Variants in TBP observed in about 807,000 individuals in gnomAD.
The protein encoded by TBP is TATA-box binding protein.
A neutral mutation model predicts 46.2 loss-of-function variants in TBP; 12 were observed. The ratio of observed to expected loss-of-function variants is 0.26; its 90% CI spans 0.17 to 0.42. The LOEUF is 0.42. TBP is among the 10% of genes least tolerant of loss of function. The pLI, the probability that TBP is intolerant of heterozygous loss-of-function variation, is 1.00. For missense variants in TBP, 229 were observed against 403.1 expected, an observed-to-expected ratio of 0.57 and a Z score of 3.70; for synonymous variants, 157 against 148.3, an observed-to-expected ratio of 1.06 and a Z score of -0.42.
Position 170,561,887 on chromosome 6 carries a change from A to C in TBP, c.151A>C (p.Ile51Leu), listed in dbSNP as rs773389193. Reference protein sequence around the residue: ...QPIQNTNSLSILEEQQRQQQQ... With the variant: ...QPIQNTNSLSLLEEQQRQQQQ... ...TATTCAGAACACCAATAGTCTGTCT[A>C]TTTTGGAAGAGCAACAAAGGCAGCA... The change falls in exon 3 of 8, where the codon ATT (isoleucine) becomes CTT (leucine). Residue 51 changes from isoleucine (I) to leucine (L), a missense_variant. Physicochemically the swap from Ile to Leu is conservative, Grantham distance 5. Around this residue, in one of 4 missense-constraint regions of TBP, gnomAD observed 49 missense variants for 94.7 expected, o/e 0.52. Coordinates refer to ENST00000392092, the MANE Select transcript of TBP (RefSeq NM_003194.5). 1.9e-6 allele frequency: 3 copies of C among 1,613,804 alleles called. No individual in the cohort carries two copies. Among genetic ancestry groups the C allele is most frequent in the Non-Finnish European group, 2.5e-6 (3 of 1,179,936 alleles).
intron 3 of TBP, among the ~76,000 whole-genome samples, 169 bp downstream of exon 3, chr6:170,562,402 TAGTC>T (rs1469135426): frequency 2.0e-5 from 3 of 152,238 alleles, no homozygotes; most frequent in Non-Finnish European, 2.9e-5. Context: ...AAAGCTATCT[TAGTC>T]AGTGTCCTCA....
intron 1 of TBP, among the ~76,000 whole-genome samples, chr6:170,555,166 C>A (rs1177438888): frequency 3.3e-5 from 5 of 152,192 alleles, no homozygotes; most frequent in African/African-American, 4.8e-5. Context: ...AATCACTGTG[C>A]GGTTTCTTCT....
intron 3 of TBP, 99 bp downstream of exon 3, chr6:170,562,332 T>A: frequency 7.7e-7 from 1 of 1,297,198 alleles, no homozygotes; most frequent in South Asian, 1.5e-5. Flanking sequence ...AGGGAGGGAG[T>A]GGCACTAACG....
At chr6:170,562,262 C>A (rs781366910) in intron 3 of TBP, 29 bp downstream of exon 3, 3 of 1,596,320 alleles carry the variant, frequency 1.9e-6, no homozygotes, top group South Asian at 1.1e-5. Flanking sequence ...ATGTTTCCTC[C>A]CACTTAGGAG....
chr6:170,564,697 T>C (rs993003699), intron 4 of TBP, 65 bp downstream of exon 4: 2 of 1,109,900 alleles, frequency 1.8e-6, no homozygotes, highest in Admixed American at 2.3e-5. Flanking sequence ...TGTCTCTATA[T>C]TTTAATGTAT....
intron 5 of TBP, 34 bp downstream of exon 5, chr6:170,567,043 G>A (rs1779266029): frequency 1.3e-6 from 2 of 1,567,846 alleles, no homozygotes; most frequent in East Asian, 2.2e-5. Context: ...CTGGTCTATG[G>A]GTTATGAATG....
chr6:170,572,668 A>G lies in TBP; in HGVS notation c.*403A>G. Reference sequence around the variant, plus strand: ...CCACAGTTTTTATATTTCTACCAGAAAAGTAAAAATCTTTTTTAAAAGTGT... The same window carrying G: ...CCACAGTTTTTATATTTCTACCAGAGAAGTAAAAATCTTTTTTAAAAGTGT... On this transcript the variant is annotated 3_prime_UTR_variant, in exon 8 of 8. Coordinates refer to ENST00000392092, the MANE Select transcript of TBP (RefSeq NM_003194.5). The G allele has an allele frequency of 5.7e-6, 1 of 174,772 alleles. No homozygotes were observed. The highest frequency in any genetic ancestry group is 1.2e-5 in the Non-Finnish European group (1 of 83,402). The allele number at this position is 174,772 out of a possible 1,614,324, so 10.8% of individuals were successfully genotyped here. A position where few individuals can be genotyped will look rare whatever the true frequency, so the allele number is the denominator to read the frequency against.
rs1346609288 is a variant in TBP at position 170,569,687 on chromosome 6, G to A, written c.753G>A (p.Leu251=). The part of the protein sequence containing the change: ...VQKLGFPAKF[L]DFKIQNMVGS... ...AGTTGGGTTTTCCAGCTAAGTTCTT[G>A]GACTTCAAGATTCAGAATATGGTGG... The change falls in exon 6 of 8, where the codon TTG becomes TTA. Residue 251 remains leucine (L), a synonymous_variant. Transcript: ENST00000392092. 6.2e-7 allele frequency: 1 copy of A among 1,614,120 alleles called. No individual in the cohort carries two copies. The highest frequency in any genetic ancestry group is 2.2e-5 in the East Asian group (1 of 44,870).
rs113202486 is a variant in TBP, at chr6:170,561,925, ACAGCAG to A, written c.210_215del (p.Gln94_Gln95del). 6.6e-4 allele frequency: 647 copies of A among 981,386 alleles called. 1 individual carries two copies. The highest frequency in any genetic ancestry group is 2.7e-3 in the East Asian group (105 of 38,300). 60.8% of individuals were successfully genotyped at this position (981,386 alleles called of 1,614,324 possible). On this transcript the variant is annotated inframe_deletion, in exon 3 of 8. Coordinates refer to ENST00000392092, the MANE Select transcript of TBP (RefSeq NM_003194.5). ...AACAAAGGCAGCAGCAGCAACAACAACAGCAGCAGCAGCAGCAGCAGCAGCAACAGC... is the reference window on the plus strand; with the variant it reads ...AACAAAGGCAGCAGCAGCAACAACAACAGCAGCAGCAGCAGCAGCAACAGC...
At chr6:170,555,308 C>T (rs1283269447) in intron 1 of TBP, among the ~76,000 whole-genome samples, 1 of 152,200 alleles carries the variant, frequency 6.6e-6, no homozygotes, top group Non-Finnish European at 1.5e-5. Context: ...AACGAAACTT[C>T]CGTCCTCCAG....
rs1479740747 is a variant in TBP at position 170,556,943 on chromosome 6, G to A, written c.-87G>A. 14 of 1,243,978 alleles carry A rather than the reference G, an allele frequency of 1.1e-5. No individual in the cohort carries two copies. Among genetic ancestry groups the A allele is most frequent in the Non-Finnish European group, 1.5e-5 (13 of 847,764 alleles). 77.1% of individuals were successfully genotyped at this position (1,243,978 alleles called of 1,614,324 possible). A position where few individuals can be genotyped will look rare whatever the true frequency, so the allele number is the denominator to read the frequency against. ...AATTGAGGAAGTTGCTGAGAAGAGTGTGCTGGAGATGCTCTAGGAAAAAAT... is the reference window on the plus strand; with the variant it reads ...AATTGAGGAAGTTGCTGAGAAGAGTATGCTGGAGATGCTCTAGGAAAAAAT... On this transcript the variant is annotated 5_prime_UTR_variant, in exon 2 of 8. It adds an upstream start codon to the 5' untranslated region. Coordinates refer to ENST00000392092, the MANE Select transcript of TBP (RefSeq NM_003194.5).
chr6:170,567,849 G>A (rs1202682324), intron 5 of TBP, among the ~76,000 whole-genome samples: 1 of 152,212 alleles, frequency 6.6e-6, no homozygotes, highest in Non-Finnish European at 1.5e-5. Context: ...GGCCCTGACT[G>A]TTCTAAACAG....
At chr6:170,569,813 A>C (rs1438219680) in intron 6 of TBP, 34 bp downstream of exon 6, 1 of 1,583,644 alleles carries the variant, frequency 6.3e-7, no homozygotes, top group South Asian at 1.1e-5. Context: ...TGTTATTGGC[A>C]ACAGTTCATT....
At chr6:170,571,313 G>C (rs1255965286) in intron 6 of TBP, 97 bp from the exon 7 acceptor site, 1 of 793,050 alleles carries the variant, frequency 1.3e-6, no homozygotes, top group Non-Finnish European at 2.1e-6. Context: ...CTCTTGACTA[G>C]TTTGTTTATT....
At chr6:170,568,388 G>C (rs1279158887) in intron 5 of TBP, among the ~76,000 whole-genome samples, 10 of 152,098 alleles carry the variant, frequency 6.6e-5, no homozygotes, top group African/African-American at 2.4e-4. Flanking sequence ...ATATATGCTT[G>C]ATTTTTGTTC....
rs377394208 is a variant in TBP, at chr6:170,568,815, CTT to C, written c.678-771_678-770del. Among the ~76,000 whole-genome samples the C allele has an allele frequency of 3.0e-4, 19 of 62,602 alleles. 2 individuals carry two copies. The highest frequency in any genetic ancestry group is 8.9e-4 in the Admixed American group (4 of 4,474). 41.1% of individuals were successfully genotyped at this position (62,602 alleles called of 152,430 possible). A position where few individuals can be genotyped will look rare whatever the true frequency, so the allele number is the denominator to read the frequency against. ...TTCTCTTCTTTCTTTCTTTCCTTTT[CTT>C]TTTTTTTTTTTTTTTTTTTTTTTTT... On this transcript the variant is annotated intron_variant, in intron 5 of 7. Coordinates refer to ENST00000392092, the MANE Select transcript of TBP (RefSeq NM_003194.5).
intron 5 of TBP, among the ~76,000 whole-genome samples, chr6:170,568,548 G>T (rs1300760936): frequency 6.6e-6 from 1 of 151,658 alleles, no homozygotes; most frequent in Non-Finnish European, 1.5e-5. Context: ...TCCGCCTCCT[G>T]GGTTCACGCC....
Position 170,556,872 on chromosome 6 carries a change from TC to T in TBP, c.-148-8del, listed in dbSNP as rs1779040836. On this transcript the variant is annotated splice_polypyrimidine_tract_variant and intron_variant, in intron 1 of 7. Coordinates refer to ENST00000392092, the MANE Select transcript of TBP (RefSeq NM_003194.5). Reference sequence around the variant, plus strand: ...CCTTAAATTAAACTTTAGACTTTTTTCCAAAGCAGCATCACTGTTTCTTGGC... The same window carrying T: ...CCTTAAATTAAACTTTAGACTTTTTTCAAAGCAGCATCACTGTTTCTTGGC... 1 of 715,708 alleles carries T rather than the reference TC, an allele frequency of 1.4e-6. No homozygotes were observed. The highest frequency in any genetic ancestry group is 2.4e-6 in the Non-Finnish European group (1 of 414,258). 44.3% of individuals were successfully genotyped at this position (715,708 alleles called of 1,614,324 possible). A position where few individuals can be genotyped will look rare whatever the true frequency, so the allele number is the denominator to read the frequency against.
intron 3 of TBP, among the ~76,000 whole-genome samples, chr6:170,563,768 C>T (rs1037205146): frequency 1.3e-5 from 2 of 152,182 alleles, no homozygotes; most frequent in Non-Finnish European, 2.9e-5. Flanking sequence ...AGTTGTTGAG[C>T]AGTTAATTGC....
Sources: gnomAD v4.1 joint callset for allele counts (sites outside exome capture counted in the v4.1 genomes callset) on GRCh38, gnomAD v4.1.1 for gene constraint, gnomAD v4.1.1 regional missense constraint, MANE v1.5 for transcripts, NCBI Gene and HGNC (gene_info 2026-07-23, HGNC 2026-07-21) for gene names.